ANKRD36C: variants seen among roughly 807,000 people sequenced by gnomAD.
The protein encoded by ANKRD36C is ankyrin repeat domain 36C, also known as ankyrin repeat domain-containing protein 36C.
ANKRD36C carries 61 observed loss-of-function variants against 276.4 expected under a neutral mutation model. That is an observed-to-expected ratio of 0.22 (90% confidence interval 0.18 to 0.27). ANKRD36C has a LOEUF of 0.27. ANKRD36C is among the 10% of genes least tolerant of loss of function. The pLI is 1.00. For synonymous variants in ANKRD36C, 483 were observed against 680.1 expected (o/e 0.71, Z 4.51); for missense variants, 1,447 against 2,032.3 (o/e 0.71, Z 5.54).
At chr2:95,954,062 A>T in intron 13 of ANKRD36C, 57 bp from the exon 14 acceptor site, 3 of 1,531,196 alleles carry the variant, frequency 2.0e-6, no homozygotes, top group Non-Finnish European at 2.6e-6. Context: ...AAAGAAAACA[A>T]AAACCGTCAG....
chr2:95,980,642 A>T lies in ANKRD36C; in HGVS notation c.731+6T>A, dbSNP rs1678896859. ...TGTTCATTAGCCTTTTTATGTAAAGACTTACACTCTGTTCTTAGCCTCGCT... is the reference window on the plus strand; with the variant it reads ...TGTTCATTAGCCTTTTTATGTAAAGTCTTACACTCTGTTCTTAGCCTCGCT... On this transcript the variant is annotated splice_donor_region_variant and intron_variant, in intron 5 of 66. Coordinates refer to ENST00000456556, the Ensembl canonical transcript of ANKRD36C. The T allele has an allele frequency of 6.2e-7, 1 of 1,610,808 alleles. No individual in the cohort carries two copies. The highest frequency in any genetic ancestry group is 8.5e-7 in the Non-Finnish European group (1 of 1,178,218).
chr2:95,988,150 CA>C (rs201835162), intron 1 of ANKRD36C, among the ~76,000 whole-genome samples: 435 of 105,396 alleles, frequency 4.1e-3, no homozygotes, highest in African/African-American at 0.013. Flanking sequence ...AAAAAGAAGG[CA>C]AAAAAAAAAA....
At chr2:95,930,560 T>C (rs1261289791) in intron 24 of ANKRD36C, among the ~76,000 whole-genome samples, 2 of 151,512 alleles carry the variant, frequency 1.3e-5, no homozygotes, top group Non-Finnish European at 1.5e-5. Context: ...TGAAATAATG[T>C]GTAATCAGAT....
chr2:95,892,842 C>G (rs1465926689), intron 44 of ANKRD36C, among the ~76,000 whole-genome samples: 1 of 151,286 alleles, frequency 6.6e-6, no homozygotes, highest in Non-Finnish European at 1.5e-5. Context: ...TAACTAAAAT[C>G]AACAAAACAT....
At chr2:95,911,728 C>T (rs1231733159) in intron 42 of ANKRD36C, among the ~76,000 whole-genome samples, 1 of 151,344 alleles carries the variant, frequency 6.6e-6, no homozygotes, top group Non-Finnish European at 1.5e-5. Flanking sequence ...AGGATTCCTC[C>T]GCAGTAACCC....
At chr2:95,920,565 C>A (rs1292206091) in intron 34 of ANKRD36C, among the ~76,000 whole-genome samples, 1 of 132,414 alleles carries the variant, frequency 7.6e-6, no homozygotes, top group Non-Finnish European at 1.7e-5. Flanking sequence ...CTGAAACTTT[C>A]TTCATCATGT....
intron 44 of ANKRD36C, among the ~76,000 whole-genome samples, chr2:95,896,857 G>C (rs1676565695): frequency 6.7e-6 from 1 of 149,596 alleles, no homozygotes; most frequent in Middle Eastern, 3.2e-3. Flanking sequence ...GGTCTCCTTA[G>C]TTCTCCTAAC....
chr2:95,908,779 C>T (rs1676823391), intron 42 of ANKRD36C, 82 bp from the exon 47 acceptor site: 2 of 1,525,074 alleles, frequency 1.3e-6, no homozygotes, highest in South Asian at 2.4e-5. Flanking sequence ...TTAGCATCAA[C>T]CTCTGTCCTC....
intron 48 of ANKRD36C, among the ~76,000 whole-genome samples, chr2:95,888,906 C>T (rs1676267540): frequency 6.6e-6 from 1 of 151,566 alleles, no homozygotes; most frequent in Admixed American, 6.6e-5. Flanking sequence ...ATCAAATATT[C>T]ATGGAAAGGA....
chr2:95,932,639 G>A (rs13004276), intron 24 of ANKRD36C, among the ~76,000 whole-genome samples: 1 of 152,278 alleles, frequency 6.6e-6, no homozygotes. Context: ...ACCCAAAACC[G>A]TAACAGCTCA....
intron 42 of ANKRD36C, among the ~76,000 whole-genome samples, chr2:95,910,860 A>G (rs1676897967): frequency 6.6e-6 from 1 of 151,498 alleles, no homozygotes; most frequent in Non-Finnish European, 1.5e-5. Flanking sequence ...TGATGAGAAC[A>G]AATGTGATCT....
At chr2:95,954,339 G>A (rs13029201) in intron 13 of ANKRD36C, among the ~76,000 whole-genome samples, 4 of 152,026 alleles carry the variant, frequency 2.6e-5, no homozygotes, top group East Asian at 1.9e-4. Context: ...TACCATAAAG[G>A]CTAAACTGAA....
intron 46 of ANKRD36C, among the ~76,000 whole-genome samples, chr2:95,891,459 T>TG (rs1442829916): frequency 1.3e-5 from 2 of 151,400 alleles, no homozygotes; most frequent in East Asian, 3.9e-4. Context: ...CCACTTTCAA[T>TG]GGGGGGAAGT....
chr2:95,952,431 C>T (rs1678221419), intron 14 of ANKRD36C, among the ~76,000 whole-genome samples: 1 of 151,598 alleles, frequency 6.6e-6, no homozygotes, highest in African/African-American at 2.4e-5. Context: ...AAAATTCCAG[C>T]AACTTAACAC....
chr2:95,913,757 T>G (rs993535949), intron 40 of ANKRD36C, among the ~76,000 whole-genome samples: 2 of 151,428 alleles, frequency 1.3e-5, no homozygotes, highest in African/African-American at 2.4e-5. Context: ...GGCAGTATGA[T>G]CTGAAGTGTG....
At chr2:95,956,408 T>C (rs1346820538) in intron 13 of ANKRD36C, among the ~76,000 whole-genome samples, 3 of 152,218 alleles carry the variant, frequency 2.0e-5, no homozygotes, top group Non-Finnish European at 2.9e-5. Flanking sequence ...TATAACAAAA[T>C]GTGACTTTCT....
Position 95,923,670 on chromosome 2 carries a change from T to C in ANKRD36C, c.2061A>G (p.Pro687=), listed in dbSNP as rs1272160548. 5 of 1,610,568 alleles carry C rather than the reference T, an allele frequency of 3.1e-6. No homozygotes were observed. The South Asian group carries it at 5.5e-5, about 18-fold the overall frequency. Reference sequence around the variant, plus strand: ...ATGAGAGTTTAATTACCTTTGAGGGTGGTTGTTTCTGAGAAGACACTGAAA... The same window carrying C: ...ATGAGAGTTTAATTACCTTTGAGGGCGGTTGTTTCTGAGAAGACACTGAAA... Residue 687 remains proline, a synonymous_variant, in exon 31 of 67, where the codon CCA becomes CCG. Transcript: ENST00000456556.
chr2:95,927,406 G>A (rs769909265), exon 27 of ANKRD36C: 2 of 1,606,008 alleles, frequency 1.2e-6, no homozygotes, highest in Non-Finnish European at 1.7e-6. Flanking sequence ...TTTCTGAGAA[G>A]ACACTGAAAA....
At chr2:95,945,032 C>G (rs374527734) in intron 18 of ANKRD36C, 82 bp downstream of exon 18, 1 of 1,462,126 alleles carries the variant, frequency 6.8e-7, no homozygotes. Context: ...GAGTAACACT[C>G]TGTCTACAAA....
Sources: gnomAD v4.1 joint callset for allele counts (sites outside exome capture counted in the v4.1 genomes callset) on GRCh38, gnomAD v4.1.1 for gene constraint, MANE v1.5 for transcripts, NCBI Gene and HGNC (gene_info 2026-07-23, HGNC 2026-07-21) for gene names.